DMD: variants seen among roughly 807,000 people sequenced by gnomAD.
The protein encoded by DMD is dystrophin.
In DMD, 63 loss-of-function variants were observed where a neutral mutation model predicts 330.1. The observed-to-expected ratio is 0.19, with a 90% CI of 0.16 to 0.24. The LOEUF (loss-of-function observed/expected upper bound fraction) is 0.24. Ranked by LOEUF, DMD falls within the 10% of genes least tolerant of loss-of-function variation. The pLI is 1.00. For synonymous variants in DMD, 1,223 were observed against 959.8 expected (o/e 1.27, Z -5.07); for missense variants, 3,344 against 2,684.1 (o/e 1.25, Z -5.43).
At chrX:32,927,806 A>G (rs2089203068) in intron 2 of DMD, among the ~76,000 whole-genome samples, 1 of 111,085 alleles carries the variant, frequency 9.0e-6, no homozygotes, top group South Asian at 3.8e-4. Flanking sequence ...ATAATCTGAT[A>G]TTCAAGGTAG....
intron 63 of DMD, among the ~76,000 whole-genome samples, chrX:31,236,287 C>T (rs1476403428): frequency 8.9e-6 from 1 of 112,536 alleles, no homozygotes; most frequent in Non-Finnish European, 1.9e-5. Context: ...ATATCAACTC[C>T]TCTGTGTTTA....
At chrX:32,108,159 G>A (rs2096573374) in intron 44 of DMD, among the ~76,000 whole-genome samples, 2 of 111,486 alleles carry the variant, frequency 1.8e-5, no homozygotes, top group Non-Finnish European at 3.8e-5. Flanking sequence ...CCAACTTTTT[G>A]TTCTTTGTTT....
chrX:33,088,273 G>C (rs923100060), intron 1 of DMD, among the ~76,000 whole-genome samples: 5 of 111,220 alleles, frequency 4.5e-5, no homozygotes. Context: ...TCGAACTCCT[G>C]ACTTCAAATG....
chrX:32,937,479 A>C (rs756937850), intron 2 of DMD, among the ~76,000 whole-genome samples: 1 of 104,928 alleles, frequency 9.5e-6, no homozygotes, highest in African/African-American at 3.5e-5. Context: ...TTTATGCACT[A>C]AGCATAACTT....
chrX:31,797,147 A>G (rs1035175969), intron 50 of DMD, among the ~76,000 whole-genome samples: 2 of 112,215 alleles, frequency 1.8e-5, no homozygotes, highest in Non-Finnish European at 3.8e-5. Flanking sequence ...AATTTAAAAA[A>G]ATTGACAATA....
chrX:31,601,645 T>C (rs2077372906), intron 55 of DMD, among the ~76,000 whole-genome samples: 1 of 112,200 alleles, frequency 8.9e-6, no homozygotes, highest in Non-Finnish European at 1.9e-5. Context: ...TAAGAATTTA[T>C]GTTTTTATGA....
At chrX:32,252,147 A>G (rs1248657016) in intron 43 of DMD, among the ~76,000 whole-genome samples, 2 of 111,505 alleles carry the variant, frequency 1.8e-5, no homozygotes, top group Non-Finnish European at 3.8e-5. Context: ...CTCTCTCACC[A>G]TACCCCATAC....
chrX:33,291,503 G>A (rs780530417), intron 1 of DMD, among the ~76,000 whole-genome samples: 17 of 111,300 alleles, frequency 1.5e-4, no homozygotes, highest in African/African-American at 5.5e-4. Flanking sequence ...CCCATGTAAT[G>A]CCTTCTAATC....
At chrX:31,789,534 G>T (rs1467422278) in intron 50 of DMD, among the ~76,000 whole-genome samples, 1 of 111,385 alleles carries the variant, frequency 9.0e-6, no homozygotes, top group Non-Finnish European at 1.9e-5. Flanking sequence ...AATTTTCAAT[G>T]AAGTTATATT....
chrX:31,368,641 G>A (rs1015525180), intron 60 of DMD, among the ~76,000 whole-genome samples: 4 of 108,568 alleles, frequency 3.7e-5, no homozygotes, highest in African/African-American at 1.3e-4. Context: ...CTTGCACCCA[G>A]GTCCCCCCGC....
At chrX:32,741,713 T>A (rs1049357544) in intron 7 of DMD, among the ~76,000 whole-genome samples, 1 of 111,961 alleles carries the variant, frequency 8.9e-6, no homozygotes, top group Non-Finnish European at 1.9e-5. Flanking sequence ...GTCATATCTC[T>A]AATTGGTATA....
intron 55 of DMD, among the ~76,000 whole-genome samples, chrX:31,574,596 C>T (rs1046706631): frequency 9.0e-6 from 1 of 111,668 alleles, no homozygotes; most frequent in African/African-American, 3.3e-5. Flanking sequence ...TAGAAAAGTG[C>T]CCATATGGTC....
At chrX:32,463,676 A>C in intron 24 of DMD, 82 bp from the exon 25 acceptor site, 1 of 865,812 alleles carries the variant, frequency 1.2e-6, no homozygotes, top group Non-Finnish European at 1.5e-6. Flanking sequence ...AAAATGTAAA[A>C]TTGGGACTGA....
At chrX:31,396,528 T>C (rs2060947898) in intron 60 of DMD, among the ~76,000 whole-genome samples, 1 of 105,919 alleles carries the variant, frequency 9.4e-6, no homozygotes, top group Non-Finnish European at 1.9e-5. Context: ...CAATTCTACT[T>C]AGACAAAGGA....
At chrX:31,178,616 G>A (rs1403975243) in intron 70 of DMD, 53 bp downstream of exon 70, 1 of 1,174,117 alleles carries the variant, frequency 8.5e-7, no homozygotes, top group Non-Finnish European at 1.1e-6. Flanking sequence ...TCAGCTGAGA[G>A]GAGTTCAAAT....
intron 7 of DMD, among the ~76,000 whole-genome samples, chrX:32,712,769 G>A (rs1385982066): frequency 9.0e-6 from 1 of 111,085 alleles, no homozygotes; most frequent in Non-Finnish European, 1.9e-5. Context: ...CTGTTTAATG[G>A]TCTTTCACAA....
chrX:32,368,984 T>C (rs2097863366), intron 34 of DMD, among the ~76,000 whole-genome samples: 1 of 111,609 alleles, frequency 9.0e-6, no homozygotes, highest in Admixed American at 9.6e-5. Context: ...ACTTGACCTA[T>C]GACATGATTG....
chrX:31,198,333 C>G (rs753973138), intron 67 of DMD, among the ~76,000 whole-genome samples: 1 of 111,856 alleles, frequency 8.9e-6, no homozygotes, highest in East Asian at 2.8e-4. Flanking sequence ...ATCCTCCCAC[C>G]TCAGCCTCCT....
At chrX:32,520,202 A>G (rs979997272) in intron 17 of DMD, among the ~76,000 whole-genome samples, 5 of 111,604 alleles carry the variant, frequency 4.5e-5, no homozygotes, top group Non-Finnish European at 9.4e-5. Context: ...TTTGACTATC[A>G]GGTTCCTGTT....
Sources: allele counts gnomAD v4.1 joint callset (sites outside exome capture counted in the v4.1 genomes callset), GRCh38; gene constraint gnomAD v4.1.1; transcripts MANE v1.5; gene names NCBI Gene and HGNC (gene_info 2026-07-23, HGNC 2026-07-21).